TTLL5: variants seen among roughly 807,000 people sequenced by gnomAD.
TTLL5 encodes the protein tubulin tyrosine ligase like 5, also known as tubulin polyglutamylase TTLL5.
Under a neutral mutation model 168.4 loss-of-function variants are expected in TTLL5, and 132 were observed. The observed-to-expected ratio is 0.78, with a 90% CI of 0.68 to 0.91. TTLL5 has a LOEUF of 0.91. TTLL5 is among the 40% of genes least tolerant of loss of function. TTLL5 has a pLI of 0.00. For missense variants in TTLL5, 1,545 were observed against 1,581.5 expected (o/e 0.98, Z 0.39); for synonymous variants, 546 against 558.6 (o/e 0.98, Z 0.32).
intron 31 of TTLL5, among the ~76,000 whole-genome samples, chr14:75,922,192 C>T (rs2140140910): frequency 6.6e-6 from 1 of 152,014 alleles, no homozygotes; most frequent in Admixed American, 6.5e-5. Context: ...GACAATTTGA[C>T]TTCCTCTTTT....
chr14:75,689,348 G>A (rs955455999), intron 5 of TTLL5: 2 of 152,162 alleles, frequency 1.3e-5, no homozygotes, highest in African/African-American at 4.8e-5. Context: ...CACATTCCTG[G>A]CCCCAGAAAC....
intron 29 of TTLL5, among the ~76,000 whole-genome samples, chr14:75,871,853 G>A (rs1421623709): frequency 6.6e-6 from 1 of 152,160 alleles, no homozygotes; most frequent in Non-Finnish European, 1.5e-5. Flanking sequence ...GTGAGATCCT[G>A]GGCCAAACAA....
intron 28 of TTLL5, among the ~76,000 whole-genome samples, chr14:75,841,315 C>T (rs976578087): frequency 3.9e-5 from 6 of 152,148 alleles, no homozygotes; most frequent in Non-Finnish European, 8.8e-5. Context: ...AAAGATTTTG[C>T]ACTCTTACTC....
chr14:75,807,090 CACAT>C (rs1893701269), intron 27 of TTLL5, among the ~76,000 whole-genome samples: 1 of 152,176 alleles, frequency 6.6e-6, no homozygotes, highest in Non-Finnish European at 1.5e-5. Context: ...TGGCAGTCAT[CACAT>C]GCTTGCTAAA....
intron 1 of TTLL5, among the ~76,000 whole-genome samples, chr14:75,662,445 C>G (rs1890801173): frequency 6.6e-6 from 1 of 151,518 alleles, no homozygotes; most frequent in Non-Finnish European, 1.5e-5. Flanking sequence ...CTCCCTCAGC[C>G]TCCCGAGTAG....
chr14:75,816,554 T>C (rs931955253), intron 27 of TTLL5, among the ~76,000 whole-genome samples: 12 of 152,238 alleles, frequency 7.9e-5, no homozygotes, highest in African/African-American at 2.4e-4. Flanking sequence ...TTATCTCCTC[T>C]CCTTTCCATT....
At chr14:75,857,912 A>G (rs1189385992) in intron 28 of TTLL5, among the ~76,000 whole-genome samples, 1 of 152,092 alleles carries the variant, frequency 6.6e-6, no homozygotes, top group Admixed American at 6.6e-5. Flanking sequence ...CGACCTCCCA[A>G]AGTGCTAGGA....
chr14:75,883,809 G>A (rs1256412263), intron 30 of TTLL5, among the ~76,000 whole-genome samples: 1 of 152,216 alleles, frequency 6.6e-6, no homozygotes, highest in African/African-American at 2.4e-5. Context: ...TGTAATGACT[G>A]CAGAACTCTC....
intron 18 of TTLL5, chr14:75,757,983 T>C: frequency 9.1e-7 from 1 of 1,098,964 alleles, no homozygotes; most frequent in Non-Finnish European, 1.2e-6. Context: ...GCTTGAATAG[T>C]AACATAAAAA....
chr14:75,902,001 A>G (rs1452720191), intron 30 of TTLL5, 141 bp from the exon 31 acceptor site: 3 of 698,290 alleles, frequency 4.3e-6, no homozygotes, highest in Non-Finnish European at 7.7e-6. Flanking sequence ...ATAAGGTGAC[A>G]TTTGAACAAA....
intron 15 of TTLL5, chr14:75,737,688 A>T (rs1888995059): frequency 7.1e-7 from 1 of 1,408,172 alleles, no homozygotes; most frequent in Non-Finnish European, 9.6e-7. Context: ...TTAGTTTTTC[A>T]TGGTACATAT....
At position 75,795,656 on chromosome 14, in the gene TTLL5, A is replaced by G. The variant is rs535926561; in HGVS notation, c.3171+2556A>G. ...TGTCCTCATAGCTTAGCTCCTACTT[A>G]TAAGTGAGAACATATGATGTCTGGT... On this transcript the variant is annotated intron_variant, in intron 27 of 31. Transcript: ENST00000298832. 2.2e-3 allele frequency among the ~76,000 whole-genome samples: 335 copies of G among 152,268 alleles called. 1 individual carries two copies. The highest frequency in any genetic ancestry group is 7.8e-3 in the African/African-American group (325 of 41,542).
chr14:75,855,748 C>A (rs937389309), intron 28 of TTLL5, among the ~76,000 whole-genome samples: 3 of 152,206 alleles, frequency 2.0e-5, no homozygotes, highest in African/African-American at 7.2e-5. Flanking sequence ...TGAGCTGCAG[C>A]CCACGGAGGA....
intron 31 of TTLL5, among the ~76,000 whole-genome samples, chr14:75,946,021 C>T (rs2034760210): frequency 6.6e-6 from 1 of 152,198 alleles, no homozygotes; most frequent in Non-Finnish European, 1.5e-5. Context: ...GGATGAAACA[C>T]ATTTTCCAAC....
chr14:75,802,340 T>C (rs963978684), intron 27 of TTLL5, among the ~76,000 whole-genome samples: 13 of 152,244 alleles, frequency 8.5e-5, no homozygotes, highest in Admixed American at 4.6e-4. Context: ...AACATTGCTC[T>C]CATTATATTA....
At chr14:75,664,950 A>G (rs1043085822) in intron 2 of TTLL5, among the ~76,000 whole-genome samples, 2 of 152,246 alleles carry the variant, frequency 1.3e-5, no homozygotes, top group Non-Finnish European at 2.9e-5. Context: ...GAAACAGTCA[A>G]ATACTGACGA....
intron 27 of TTLL5, among the ~76,000 whole-genome samples, chr14:75,797,744 C>G (rs1412511691): frequency 6.6e-6 from 1 of 151,944 alleles, no homozygotes. Flanking sequence ...TAAACCATGC[C>G]CGCATCCCTG....
intron 31 of TTLL5, chr14:75,904,012 A>T: frequency 1.1e-6 from 1 of 917,272 alleles, no homozygotes; most frequent in Non-Finnish European, 1.4e-6. Context: ...AGGCGCTATA[A>T]CTACTGTAAC....
chr14:75,671,783 G>A (rs533014655), intron 3 of TTLL5, among the ~76,000 whole-genome samples: 2 of 152,220 alleles, frequency 1.3e-5, no homozygotes, highest in African/African-American at 4.8e-5. Flanking sequence ...AATAGTTTTT[G>A]TGTTTAGGTT....
Sources: gnomAD v4.1 joint callset for allele counts (sites outside exome capture counted in the v4.1 genomes callset) on GRCh38, gnomAD v4.1.1 for gene constraint, MANE v1.5 for transcripts, NCBI Gene and HGNC (gene_info 2026-07-23, HGNC 2026-07-21) for gene names.